CAPN9: variants seen among roughly 807,000 people sequenced by gnomAD.
The protein encoded by CAPN9 is calpain-9.
A neutral mutation model predicts 92.8 loss-of-function variants in CAPN9; 81 were observed. The observed-to-expected ratio is 0.87, with a 90% confidence interval of 0.73 to 1.05. CAPN9 has a LOEUF of 1.05. CAPN9 is among the 50% of genes least tolerant of loss of function. The pLI is 0.00. For missense variants in CAPN9, 848 were observed against 866.2 expected, an observed-to-expected ratio of 0.98 and a Z score of 0.26; for synonymous variants, 304 against 328.0, an observed-to-expected ratio of 0.93 and a Z score of 0.79.
At chr1:230,791,738 AAG>A in intron 14 of CAPN9, 124 bp from the exon 15 acceptor site, 1 of 658,276 alleles carries the variant, frequency 1.5e-6, no homozygotes. Context: ...CCAGCATCAT[AAG>A]AGAGTAGCCA....
At chr1:230,790,093 G>A in intron 13 of CAPN9, 39 bp from the exon 14 acceptor site, 2 of 1,533,860 alleles carry the variant, frequency 1.3e-6, no homozygotes, top group Non-Finnish European at 1.8e-6. Flanking sequence ...AAAAGAAGGT[G>A]CCAAGGGCTA....
At chr1:230,778,849 C>T in intron 8 of CAPN9, 124 bp from the exon 9 acceptor site, 1 of 867,000 alleles carries the variant, frequency 1.2e-6, no homozygotes, top group Non-Finnish European at 1.8e-6. Context: ...TTTGCAGTCC[C>T]CCCACTCCTT....
rs376185582 is a variant in CAPN9, at chr1:230,759,532, G to A, written c.304G>A (p.Ala102Thr). ...TGCAGGAGACTGCTGGCTATTAGCC[G>A]CCATCGCCTCCCTTACGCTTAATCA... is the stretch of plus-strand genomic sequence containing the variant. ...GELGDCWLLA[A>T]IASLTLNQKA... The change falls in exon 3 of 20, where the codon GCC (alanine) becomes ACC (threonine). Residue 102 changes from alanine (A) to threonine (T), a missense_variant. Transcript: ENST00000271971. The A allele has an allele frequency of 9.4e-5, 152 of 1,608,704 alleles. 1 individual carries two copies. The highest frequency in any genetic ancestry group is 4.3e-4 in the East Asian group (19 of 44,440).
intron 7 of CAPN9, among the ~76,000 whole-genome samples, chr1:230,773,220 C>T (rs1462972875): frequency 3.3e-5 from 5 of 152,142 alleles, no homozygotes; most frequent in African/African-American, 9.7e-5. Flanking sequence ...TGGAGGCTCT[C>T]GTCCCACCAT....
intron 1 of CAPN9, among the ~76,000 whole-genome samples, chr1:230,748,420 G>A (rs1045083261): frequency 6.6e-5 from 10 of 152,294 alleles, no homozygotes; most frequent in African/African-American, 2.2e-4. Context: ...CTCCAGGTGG[G>A]TACGGGCCTG....
At chr1:230,757,152 T>C (rs1227059958) in intron 2 of CAPN9, among the ~76,000 whole-genome samples, 1 of 152,124 alleles carries the variant, frequency 6.6e-6, no homozygotes, top group Non-Finnish European at 1.5e-5. Flanking sequence ...GGGCTTACTG[T>C]GGGACTTGAG....
At chr1:230,794,809 C>G (rs1461311969) in intron 17 of CAPN9, among the ~76,000 whole-genome samples, 1 of 152,194 alleles carries the variant, frequency 6.6e-6, no homozygotes, top group Non-Finnish European at 1.5e-5. Flanking sequence ...AGACACCACC[C>G]AGTGTTAAGT....
At chr1:230,778,045 C>T (rs1226505350) in intron 8 of CAPN9, among the ~76,000 whole-genome samples, 2 of 152,160 alleles carry the variant, frequency 1.3e-5, no homozygotes, top group Non-Finnish European at 2.9e-5. Flanking sequence ...TCTACTTTAA[C>T]ATCTCTCCTT....
rs796685366 is a variant in CAPN9, at chr1:230,800,291, A to T, written c.2047-1279A>T. ...GAAAGAAAGAAAGAAAGAAAGAAAG[A>T]AAGAAAGAAAGAAAGGAAAAACAAG... On this transcript the variant is annotated intron_variant, in intron 19 of 19. Transcript: ENST00000271971. Among the ~76,000 whole-genome samples, 622 of 104,706 alleles carry T rather than the reference A, an allele frequency of 5.9e-3. 21 individuals carry two copies. The highest frequency in any genetic ancestry group is 0.033 in the Middle Eastern group (4 of 120). The allele number at this position is 104,706 out of a possible 152,430, so 68.7% of individuals were successfully genotyped here.
intron 11 of CAPN9, 124 bp from the exon 12 acceptor site, chr1:230,785,857 A>C: frequency 2.2e-6 from 2 of 893,908 alleles, no homozygotes; most frequent in South Asian, 2.9e-5. Context: ...TGAAATGTAA[A>C]CAGCACTGAA....
At chr1:230,794,342 G>A (rs1301308328) in intron 17 of CAPN9, among the ~76,000 whole-genome samples, 1 of 152,084 alleles carries the variant, frequency 6.6e-6, no homozygotes, top group African/African-American at 2.4e-5. Context: ...TTAACCAGTT[G>A]TGGTGGCAGG....
intron 8 of CAPN9, among the ~76,000 whole-genome samples, chr1:230,777,250 A>G (rs3790982): frequency 0.32 from 48,391 of 151,940 alleles, 8,190 homozygotes; most frequent in Non-Finnish European, 0.38. Flanking sequence ...CACAGCAGGA[A>G]GCTCCACAAA....
chr1:230,774,975 A>T (rs1293144932), intron 8 of CAPN9, among the ~76,000 whole-genome samples: 6 of 152,018 alleles, frequency 3.9e-5, no homozygotes, highest in Non-Finnish European at 8.8e-5. Context: ...CCCTGACCTC[A>T]GAGAAACCAC....
Position 230,759,641 on chromosome 1 carries a change from G to C in CAPN9, c.402+11G>C. 1 of 1,573,222 alleles carries C rather than the reference G, an allele frequency of 6.4e-7. No homozygotes were observed. Among genetic ancestry groups the C allele is most frequent in the Non-Finnish European group, 8.7e-7 (1 of 1,153,868 alleles). ...ATATTCCATTTCCAGGTAAGAGGGA[G>C]CCCTGGGCCAGTGGGTTTACCTCTC... is the stretch of plus-strand genomic sequence containing the variant. On this transcript the variant is annotated intron_variant, in intron 3 of 19. Transcript: ENST00000271971.
chr1:230,777,552 G>GA (rs916768375), intron 8 of CAPN9, among the ~76,000 whole-genome samples: 6 of 149,616 alleles, frequency 4.0e-5, no homozygotes, highest in African/African-American at 1.2e-4. Flanking sequence ...TACCTGCAAA[G>GA]AAAAAAAAAG....
At chr1:230,801,190 TG>T (rs1644945516) in intron 19 of CAPN9, among the ~76,000 whole-genome samples, 1 of 151,972 alleles carries the variant, frequency 6.6e-6, no homozygotes, top group Non-Finnish European at 1.5e-5. Context: ...CCCTCCAGGG[TG>T]GAGGGCCACC....
At chr1:230,772,263 C>T (rs990418035) in intron 7 of CAPN9, among the ~76,000 whole-genome samples, 164 bp downstream of exon 7, 3 of 152,222 alleles carry the variant, frequency 2.0e-5, no homozygotes, top group Admixed American at 1.3e-4. Context: ...CCTTTCAGCC[C>T]TCAGGCCCAC....
At chr1:230,757,748 T>A (rs1350499852) in intron 2 of CAPN9, among the ~76,000 whole-genome samples, 1 of 145,114 alleles carries the variant, frequency 6.9e-6, no homozygotes, top group Non-Finnish European at 1.5e-5. Flanking sequence ...AGAACACACT[T>A]GGAACAGCAT....
chr1:230,797,868 C>G (rs997072685), intron 18 of CAPN9, among the ~76,000 whole-genome samples: 4 of 152,148 alleles, frequency 2.6e-5, no homozygotes, highest in African/African-American at 4.8e-5. Flanking sequence ...CCTGTACCCC[C>G]CAGAAGGTTA....
Sources: gnomAD v4.1 joint callset for allele counts (sites outside exome capture counted in the v4.1 genomes callset) on GRCh38, gnomAD v4.1.1 for gene constraint, MANE v1.5 for transcripts, NCBI Gene and HGNC (gene_info 2026-07-23, HGNC 2026-07-21) for gene names.